FMN1: variants seen among roughly 807,000 people sequenced by gnomAD.
FMN1 encodes formin-1.
A neutral mutation model predicts 132.4 loss-of-function variants in FMN1; 110 were observed. The observed-to-expected ratio is 0.83, with a 90% CI of 0.71 to 0.97. The LOEUF (loss-of-function observed/expected upper bound fraction) is 0.97. Ranked by LOEUF, FMN1 falls within the 50% of genes least tolerant of loss-of-function variation. The pLI, the probability that FMN1 is intolerant of heterozygous loss-of-function variation, is 0.00. For missense variants in FMN1, 1,792 were observed against 1,705.3 expected (o/e 1.05, Z -0.90); for synonymous variants, 722 against 651.7 (o/e 1.11, Z -1.64).
chr15:32,840,163 T>G (rs993145942), intron 17 of FMN1, among the ~76,000 whole-genome samples: 1 of 152,184 alleles, frequency 6.6e-6, no homozygotes, highest in African/African-American at 2.4e-5. Context: ...TGCTCACCCA[T>G]TAACTTGGCC....
intron 7 of FMN1, among the ~76,000 whole-genome samples, chr15:32,980,200 A>AAGT (rs1567500308): frequency 1.3e-5 from 2 of 151,986 alleles, no homozygotes; most frequent in African/African-American, 4.8e-5. Context: ...TATACAAGAC[A>AAGT]TAAGATGCCA....
Position 33,016,368 on chromosome 15 carries a change from T to A in FMN1, c.2162-8293A>T, listed in dbSNP as rs546989404. ...AAAATCTAAGAATAAAAATCAAATG[T>A]GAGCTTTCATATTTAATAAGCTTAT... On this transcript the variant is annotated intron_variant, in intron 6 of 20. Transcript: ENST00000616417. Among the ~76,000 whole-genome samples, 8 of 152,346 alleles carry A rather than the reference T, an allele frequency of 5.3e-5. No individual in the cohort carries two copies. In the East Asian group the frequency reaches 1.5e-3, roughly 29 times the overall value.
intron 9 of FMN1, among the ~76,000 whole-genome samples, chr15:32,933,112 C>T (rs1200413645): frequency 6.6e-6 from 1 of 152,030 alleles, no homozygotes; most frequent in African/African-American, 2.4e-5. Context: ...CATAGGTGTT[C>T]ACCCTAAAAC....
At chr15:33,010,914 T>G in intron 6 of FMN1, among the ~76,000 whole-genome samples, 1 of 148,958 alleles carries the variant, frequency 6.7e-6, no homozygotes, top group South Asian at 2.1e-4. Flanking sequence ...AAAAAAAAAA[T>G]AAACGCAGAA....
At chr15:32,944,438 C>T (rs2061462198) in intron 9 of FMN1, among the ~76,000 whole-genome samples, 1 of 152,214 alleles carries the variant, frequency 6.6e-6, no homozygotes, top group Non-Finnish European at 1.5e-5. Flanking sequence ...TTAAAATAAG[C>T]TTTCCACATA....
chr15:32,835,909 G>A (rs771768675), intron 17 of FMN1, among the ~76,000 whole-genome samples: 2 of 151,918 alleles, frequency 1.3e-5, no homozygotes, highest in African/African-American at 2.4e-5. Context: ...TACCCAGGCC[G>A]GAGTGCAGTG....
intron 17 of FMN1, among the ~76,000 whole-genome samples, chr15:32,806,216 T>C (rs2057675369): frequency 6.6e-6 from 1 of 152,248 alleles, no homozygotes; most frequent in Non-Finnish European, 1.5e-5. Context: ...ATCTAGGATC[T>C]ATGCTGTGAT....
chr15:33,070,012 T>C (rs1212466735), intron 5 of FMN1, among the ~76,000 whole-genome samples: 2 of 139,586 alleles, frequency 1.4e-5, no homozygotes, highest in Non-Finnish European at 3.1e-5. Context: ...TTTTTTTTTT[T>C]TTTTTTTTTT....
At chr15:32,968,130 A>C (rs2031416136) in intron 8 of FMN1, among the ~76,000 whole-genome samples, 1 of 152,248 alleles carries the variant, frequency 6.6e-6, no homozygotes, top group South Asian at 2.1e-4. Flanking sequence ...CAAGACATAA[A>C]GGAAGATGTG....
chr15:32,921,792 C>T (rs1036883150), intron 10 of FMN1, among the ~76,000 whole-genome samples: 4 of 151,900 alleles, frequency 2.6e-5, no homozygotes, highest in African/African-American at 9.7e-5. Flanking sequence ...ACCTCAGCCT[C>T]CCAAGTAGCT....
chr15:32,866,969 A>G (rs943662824), intron 16 of FMN1, among the ~76,000 whole-genome samples: 3 of 152,218 alleles, frequency 2.0e-5, no homozygotes, highest in Non-Finnish European at 1.5e-5. Flanking sequence ...GTTTGGCATA[A>G]GGCTGCTCCT....
chr15:32,916,670 CA>C (rs71113483), intron 10 of FMN1, among the ~76,000 whole-genome samples: 2,578 of 152,220 alleles, frequency 0.017, 35 homozygotes, highest in Non-Finnish European at 0.023. Context: ...GCCTCTTGCA[CA>C]AAGCGGGTAT....
At chr15:33,127,872 C>G (rs991841051) in intron 4 of FMN1, among the ~76,000 whole-genome samples, 1 of 152,106 alleles carries the variant, frequency 6.6e-6, no homozygotes, top group Non-Finnish European at 1.5e-5. Flanking sequence ...AGTGCTGTTT[C>G]CGAGGAATCT....
At chr15:33,125,171 CATCACTTACTGTGA>C (rs1962934604) in intron 4 of FMN1, among the ~76,000 whole-genome samples, 1 of 152,122 alleles carries the variant, frequency 6.6e-6, no homozygotes, top group South Asian at 2.1e-4. Flanking sequence ...ATCCCTGATC[CATCACTTACTGTGA>C]ATCACTTACT....
chr15:32,920,806 G>A (rs2060802026), intron 10 of FMN1, among the ~76,000 whole-genome samples: 1 of 152,176 alleles, frequency 6.6e-6, no homozygotes, highest in African/African-American at 2.4e-5. Context: ...GTGAGCAACC[G>A]TAGCAATTCT....
At chr15:32,864,479 T>C (rs571508725) in intron 16 of FMN1, among the ~76,000 whole-genome samples, 4 of 152,350 alleles carry the variant, frequency 2.6e-5, no homozygotes, top group East Asian at 1.9e-4. Context: ...GGAAAATCTA[T>C]ATGTAACCAA....
chr15:32,871,875 G>C (rs1050659810), intron 16 of FMN1, among the ~76,000 whole-genome samples: 2 of 152,134 alleles, frequency 1.3e-5, no homozygotes, highest in Non-Finnish European at 2.9e-5. Context: ...TCATCACATT[G>C]GAAGTGCAAA....
intron 4 of FMN1, among the ~76,000 whole-genome samples, chr15:33,132,790 T>C (rs1963603540): frequency 6.6e-6 from 1 of 152,132 alleles, no homozygotes; most frequent in African/African-American, 2.4e-5. Context: ...TCCATCACTG[T>C]CTCTAGCTCC....
At chr15:33,082,484 C>G (rs1404361741) in intron 5 of FMN1, among the ~76,000 whole-genome samples, 1 of 152,122 alleles carries the variant, frequency 6.6e-6, no homozygotes, top group Non-Finnish European at 1.5e-5. Context: ...TTCTACCCAC[C>G]CATGTCTTTG....
Sources: gnomAD v4.1 joint callset for allele counts (sites outside exome capture counted in the v4.1 genomes callset) on GRCh38, gnomAD v4.1.1 for gene constraint, MANE v1.5 for transcripts, NCBI Gene and HGNC (gene_info 2026-07-23, HGNC 2026-07-21) for gene names.